IMMP2L: variants seen among roughly 807,000 people sequenced by gnomAD.
IMMP2L encodes the protein inner mitochondrial membrane peptidase subunit 2.
Under a neutral mutation model 19.3 loss-of-function variants are expected in IMMP2L, and 18 were observed. The observed-to-expected ratio is 0.93, with a 90% CI of 0.64 to 1.38. The LOEUF is 1.38. Among genes scored for constraint, IMMP2L ranks in the 40% most tolerant of loss-of-function variants. IMMP2L has a pLI of 0.00. For synonymous variants in IMMP2L, 76 were observed against 73.0 expected, an observed-to-expected ratio of 1.04 and a Z score of -0.21; for missense variants, 233 against 218.2, an observed-to-expected ratio of 1.07 and a Z score of -0.43.
intron 3 of IMMP2L, among the ~76,000 whole-genome samples, chr7:111,293,082 T>G (rs1165913892): frequency 6.6e-6 from 1 of 151,948 alleles, no homozygotes; most frequent in Non-Finnish European, 1.5e-5. Flanking sequence ...AGCAATGGTG[T>G]ACACCTAAGA....
intron 3 of IMMP2L, among the ~76,000 whole-genome samples, chr7:111,412,257 A>G (rs1243354559): frequency 1.3e-5 from 2 of 151,904 alleles, no homozygotes; most frequent in African/African-American, 4.9e-5. Context: ...CAGAACAAAG[A>G]GACCAGAAAC....
chr7:110,818,046 G>A (rs1802690453), intron 5 of IMMP2L, among the ~76,000 whole-genome samples: 1 of 152,046 alleles, frequency 6.6e-6, no homozygotes, highest in African/African-American at 2.4e-5. Context: ...TCAGGACATA[G>A]GCATGGGCAA....
intron 5 of IMMP2L, among the ~76,000 whole-genome samples, chr7:110,753,750 TGG>T (rs1491320942): frequency 0.073 from 9,649 of 131,440 alleles, 850 homozygotes; most frequent in African/African-American, 0.26. Flanking sequence ...TGTGTGAGTG[TGG>T]GGTGTGTGTG....
intron 3 of IMMP2L, among the ~76,000 whole-genome samples, chr7:111,199,659 T>C (rs1809891818): frequency 6.6e-6 from 1 of 152,130 alleles, no homozygotes; most frequent in African/African-American, 2.4e-5. Context: ...TCTTTCACTA[T>C]CATTCTGTTT....
intron 4 of IMMP2L, among the ~76,000 whole-genome samples, chr7:110,915,534 T>C (rs191305489): frequency 6.6e-6 from 1 of 152,286 alleles, no homozygotes; most frequent in East Asian, 1.9e-4. Context: ...TCTGAAGATC[T>C]TATGCACAGC....
chr7:110,824,828 T>C (rs552573130), intron 5 of IMMP2L, among the ~76,000 whole-genome samples: 1 of 152,222 alleles, frequency 6.6e-6, no homozygotes, highest in South Asian at 2.1e-4. Context: ...ATACTTCCCA[T>C]TTTATCACAC....
Position 110,886,573 on chromosome 7 carries a change from G to A in IMMP2L, c.408+20C>T. On this transcript the variant is annotated intron_variant, in intron 5 of 5. Coordinates refer to ENST00000405709, the MANE Select transcript of IMMP2L (RefSeq NM_032549.4). The stretch of plus-strand genomic sequence containing the variant: ...CTTTGAAATCCAATTACATCAACAA[G>A]AAGATAAAAGATGACTTACCGGCCC... 2 of 1,332,998 alleles carry A rather than the reference G, an allele frequency of 1.5e-6. No individual in the cohort carries two copies. Among genetic ancestry groups the A allele is most frequent in the Non-Finnish European group, 2.2e-6 (2 of 924,600 alleles). The allele number at this position is 1,332,998 out of a possible 1,614,324, so 82.6% of individuals were successfully genotyped here.
rs138084944 is a variant in IMMP2L at position 111,286,142 on chromosome 7, A to C, written c.239+201096T>G. Among the ~76,000 whole-genome samples, 6 of 152,292 alleles carry C rather than the reference A, an allele frequency of 3.9e-5. No individual in the cohort carries two copies. In the East Asian group the frequency reaches 1.2e-3, roughly 29 times the overall value. On this transcript the variant is annotated intron_variant, in intron 3 of 5. Transcript: ENST00000405709. ...AGGCACACATAAAGAAAAAATAATA[A>C]GAGAAGAAGATGGAGTCAGGACAGT...
intron 5 of IMMP2L, among the ~76,000 whole-genome samples, chr7:110,690,483 G>A (rs536928750): frequency 2.6e-5 from 4 of 152,186 alleles, no homozygotes; most frequent in East Asian, 3.9e-4. Flanking sequence ...AAGAGATAAA[G>A]GGCATCCGAA....
At chr7:110,933,352 C>A (rs182981327) in intron 4 of IMMP2L, among the ~76,000 whole-genome samples, 1 of 152,266 alleles carries the variant, frequency 6.6e-6, no homozygotes, top group African/African-American at 2.4e-5. Flanking sequence ...AGGGAAGGTT[C>A]AGTTAAGTTT....
chr7:111,345,006 A>G (rs1438170057), intron 3 of IMMP2L, among the ~76,000 whole-genome samples: 1 of 152,130 alleles, frequency 6.6e-6, no homozygotes, highest in South Asian at 2.1e-4. Context: ...CAACTCGGGT[A>G]TAACAGTAGT....
chr7:110,859,887 G>C (rs1807210775), intron 5 of IMMP2L, among the ~76,000 whole-genome samples: 1 of 151,932 alleles, frequency 6.6e-6, no homozygotes, highest in Non-Finnish European at 1.5e-5. Flanking sequence ...TGTTATTACA[G>C]ACCATCCTTC....
chr7:110,763,486 T>C (rs921373172), intron 5 of IMMP2L, among the ~76,000 whole-genome samples: 5 of 152,094 alleles, frequency 3.3e-5, no homozygotes. Context: ...AAGAGTGTTA[T>C]ATACACAACA....
chr7:111,235,534 A>C (rs192144317), intron 3 of IMMP2L, among the ~76,000 whole-genome samples: 189 of 151,594 alleles, frequency 1.2e-3, no homozygotes, highest in African/African-American at 4.4e-3. Context: ...ATGTTATTCT[A>C]CTGCCTCTGT....
intron 3 of IMMP2L, among the ~76,000 whole-genome samples, chr7:111,431,311 T>C (rs764916615): frequency 6.6e-6 from 1 of 151,894 alleles, no homozygotes; most frequent in Non-Finnish European, 1.5e-5. Flanking sequence ...CTTCGGACTT[T>C]CCCAGTATTT....
At chr7:111,178,648 A>G (rs1293277201) in intron 3 of IMMP2L, among the ~76,000 whole-genome samples, 1 of 152,120 alleles carries the variant, frequency 6.6e-6, no homozygotes, top group Non-Finnish European at 1.5e-5. Flanking sequence ...CAGTGTTCAC[A>G]GCAACTTCAC....
At chr7:111,304,670 A>ATATGTGTGTG (rs1554439072) in intron 3 of IMMP2L, among the ~76,000 whole-genome samples, 3 of 126,010 alleles carry the variant, frequency 2.4e-5, no homozygotes, top group Non-Finnish European at 5.0e-5. Context: ...CACATATATA[A>ATATGTGTGTG]TGTGTGTGTG....
chr7:111,421,253 T>C (rs1283025930), intron 3 of IMMP2L, among the ~76,000 whole-genome samples: 2 of 149,144 alleles, frequency 1.3e-5, no homozygotes, highest in Admixed American at 1.3e-4. Flanking sequence ...TTTGATGGGG[T>C]TGTTTGTTTT....
intron 5 of IMMP2L, 65 bp downstream of exon 5, chr7:110,886,528 T>C: frequency 1.2e-6 from 1 of 867,112 alleles, no homozygotes; most frequent in Non-Finnish European, 2.0e-6. Context: ...ATAACCTATC[T>C]GACATAGTTT....
Sources: allele counts gnomAD v4.1 joint callset (sites outside exome capture counted in the v4.1 genomes callset), GRCh38; gene constraint gnomAD v4.1.1; transcripts MANE v1.5; gene names NCBI Gene and HGNC (gene_info 2026-07-23, HGNC 2026-07-21).